Variants in MAP7D1 observed in about 807,000 individuals in gnomAD.
MAP7D1 encodes the protein MAP7 domain containing 1, also known as MAP7 domain-containing protein 1.
Under a neutral mutation model 97.5 loss-of-function variants are expected in MAP7D1, and 30 were observed. That is an observed-to-expected ratio of 0.31 (90% CI 0.23 to 0.42). The LOEUF is 0.42. MAP7D1 is among the 10% of genes least tolerant of loss of function. The pLI is 1.00. For synonymous variants in MAP7D1, 536 were observed against 477.1 expected, an observed-to-expected ratio of 1.12 and a Z score of -1.61; for missense variants, 1,184 against 1,179.5, an observed-to-expected ratio of 1.00 and a Z score of -0.06.
At chr1:36,163,483 T>C (rs1644437595) in intron 1 of MAP7D1, among the ~76,000 whole-genome samples, 1 of 152,224 alleles carries the variant, frequency 6.6e-6, no homozygotes, top group East Asian at 1.9e-4. Context: ...ACTGTATAGA[T>C]AACTAACCAA....
At chr1:36,171,356 T>A (rs994568914) in intron 2 of MAP7D1, 41 bp downstream of exon 2, 1 of 1,541,396 alleles carries the variant, frequency 6.5e-7, no homozygotes, top group Non-Finnish European at 8.8e-7. Context: ...ACCTCTTGGC[T>A]CAGGGTCCTG....
rs770396713 is a variant in MAP7D1, at chr1:36,178,718, CGAGGCCCGGGCGGAGCGGGAGGCG to C, written c.1930_1953del (p.Ala644_Arg651del). ...GAGAGGAGCAGCTGGCACGGGAGGC[CGAGGCCCGGGCGGAGCGGGAGGCG>C]GAGGCCCGGAGGCGGGAGGAGCAGG... On this transcript the variant is annotated inframe_deletion, in exon 11 of 17. Transcript: ENST00000474796. 6.5e-6 allele frequency: 10 copies of C among 1,536,540 alleles called. 1 individual carries two copies. Among genetic ancestry groups the C allele is most frequent in the South Asian group, 4.9e-5 (4 of 82,276 alleles).
chr1:36,156,434 G>C lies in MAP7D1; in HGVS notation c.17G>C (p.Arg6Pro). ...GCCGCAGCCATGGAGAGCGGCCCGC[G>C]TGCGGAGCTGGGGGCGGGCGCACCC... MESGP[R>P]AELGAGAPPA... The change falls in exon 1 of 17, where the codon CGT (arginine) becomes CCT (proline). Residue 6 changes from arginine (R) to proline (P), a missense_variant. By Grantham distance (103) the Arg-to-Pro change is moderately radical. Coordinates refer to ENST00000474796, the MANE Select transcript of MAP7D1 (RefSeq NM_001388490.1). The C allele has an allele frequency of 2.0e-6, 3 of 1,478,862 alleles. No homozygotes were observed. Among genetic ancestry groups the C allele is most frequent in the Non-Finnish European group, 2.7e-6 (3 of 1,122,702 alleles). The allele number at this position is 1,478,862 out of a possible 1,614,324, so 91.6% of individuals were successfully genotyped here.
chr1:36,168,618 T>C (rs1383206907), intron 1 of MAP7D1, among the ~76,000 whole-genome samples: 2 of 151,342 alleles, frequency 1.3e-5, no homozygotes, highest in East Asian at 1.9e-4. Flanking sequence ...GTTGGTGGAG[T>C]TGGTGGAGTT....
At chr1:36,167,658 C>T (rs545183549) in intron 1 of MAP7D1, among the ~76,000 whole-genome samples, 4 of 152,298 alleles carry the variant, frequency 2.6e-5, no homozygotes, top group African/African-American at 9.6e-5. Context: ...CGAGGTTCGC[C>T]GGGAGCCGAG....
At chr1:36,168,907 C>T (rs890650564) in intron 1 of MAP7D1, among the ~76,000 whole-genome samples, 2 of 152,012 alleles carry the variant, frequency 1.3e-5, no homozygotes, top group African/African-American at 4.8e-5. Flanking sequence ...CTTTACTGTC[C>T]TCATCTATAT....
At position 36,156,273 on chromosome 1, in the gene MAP7D1, C is replaced by T; in HGVS notation, c.-145C>T. On this transcript the variant is annotated 5_prime_UTR_variant, in exon 1 of 17. Transcript: ENST00000474796. ...AGACTCGCGGGCCACCTGCCTCGAC[C>T]TTCCCCGGAGCGCCCCCGCCTCCGA... The T allele has an allele frequency of 1.7e-6, 1 of 584,318 alleles. No homozygotes were observed. Among genetic ancestry groups the T allele is most frequent in the Non-Finnish European group, 2.7e-6 (1 of 377,296 alleles). 36.2% of individuals were successfully genotyped at this position (584,318 alleles called of 1,614,324 possible).
chr1:36,174,821 C>A, intron 5 of MAP7D1, 77 bp from the exon 6 acceptor site: 1 of 766,180 alleles, frequency 1.3e-6, no homozygotes, highest in Non-Finnish European at 2.3e-6. Flanking sequence ...CTCGGAGCAT[C>A]CTGCATGGAA....
At position 36,176,907 on chromosome 1, in the gene MAP7D1, T is replaced by C. The variant is rs1325341477; in HGVS notation, c.1379+65T>C. On this transcript the variant is annotated intron_variant, in intron 8 of 16. Coordinates refer to ENST00000474796, the MANE Select transcript of MAP7D1 (RefSeq NM_001388490.1). This position sits in a 1 kb window ranked among gnomAD's most constrained non-coding sequence, Gnocchi z 6.1. Reference sequence around the variant, plus strand: ...GTCATTTATTCATCACCCACAAATATTTGTTGGGCAACCACCTCTAGAATG... The same window carrying C: ...GTCATTTATTCATCACCCACAAATACTTGTTGGGCAACCACCTCTAGAATG... 11 of 1,398,118 alleles carry C rather than the reference T, an allele frequency of 7.9e-6. No homozygotes were observed. Among genetic ancestry groups the C allele is most frequent in the Non-Finnish European group, 1.1e-5 (11 of 1,019,820 alleles). The allele number at this position is 1,398,118 out of a possible 1,614,324, so 86.6% of individuals were successfully genotyped here.
intron 1 of MAP7D1, among the ~76,000 whole-genome samples, chr1:36,169,373 C>G (rs1394627065): frequency 6.6e-6 from 1 of 151,098 alleles, no homozygotes; most frequent in Non-Finnish European, 1.5e-5. Flanking sequence ...TGGCTAACAC[C>G]GTGAAACCCC....
chr1:36,156,312 G>A lies in MAP7D1; in HGVS notation c.-106G>A. The A allele has an allele frequency of 3.2e-6, 3 of 945,694 alleles. No individual in the cohort carries two copies. The highest frequency in any genetic ancestry group is 4.3e-6 in the Non-Finnish European group (3 of 703,428). The allele number at this position is 945,694 out of a possible 1,614,324, so 58.6% of individuals were successfully genotyped here. A position where few individuals can be genotyped will look rare whatever the true frequency, so the allele number is the denominator to read the frequency against. ...CCCCGCCTCCGAGTCGCTACTTGCC[G>A]GGCCGGGCCGGGCCGGGCGTGATGC... On this transcript the variant is annotated 5_prime_UTR_variant, in exon 1 of 17. Transcript: ENST00000474796.
rs770592856 is a variant in MAP7D1 at position 36,156,399 on chromosome 1, C to G, written c.-19C>G. 3.4e-6 allele frequency: 5 copies of G among 1,486,410 alleles called. No individual in the cohort carries two copies. The highest frequency in any genetic ancestry group is 1.5e-5 in the African/African-American group (1 of 68,404). 92.1% of individuals were successfully genotyped at this position (1,486,410 alleles called of 1,614,324 possible). A position where few individuals can be genotyped will look rare whatever the true frequency, so the allele number is the denominator to read the frequency against. ...GCCGCCGCCGCTGAGACCCCGAGAC[C>G]CCCAGTGACGCCGCAGCCATGGAGA... On this transcript the variant is annotated 5_prime_UTR_variant, in exon 1 of 17. Coordinates refer to ENST00000474796, the MANE Select transcript of MAP7D1 (RefSeq NM_001388490.1).
chr1:36,165,729 C>CTTTTTT (rs34713399), intron 1 of MAP7D1, among the ~76,000 whole-genome samples: 4 of 118,292 alleles, frequency 3.4e-5, no homozygotes, highest in East Asian at 5.0e-4. Context: ...CAGTTTGTAG[C>CTTTTTT]TTTTTTTTTT....
intron 1 of MAP7D1, among the ~76,000 whole-genome samples, chr1:36,163,217 C>G (rs1017164311): frequency 6.6e-6 from 1 of 152,180 alleles, no homozygotes; most frequent in Admixed American, 6.5e-5. Flanking sequence ...GAAGACAGGA[C>G]TTTTTGACCC....
In MAP7D1 at chr1:36,180,407, T is replaced by C. The variant is rs1416717220; in HGVS notation, c.*149T>C. ...TCTGTTGTTTTTAATCTGCACCTTATAGACTGATGTCTCTTTGGCCGGAGC... is the reference window on the plus strand; with the variant it reads ...TCTGTTGTTTTTAATCTGCACCTTACAGACTGATGTCTCTTTGGCCGGAGC... On this transcript the variant is annotated 3_prime_UTR_variant, in exon 17 of 17. Transcript: ENST00000474796. 1.9e-6 allele frequency: 2 copies of C among 1,035,784 alleles called. No individual in the cohort carries two copies. Among genetic ancestry groups the C allele is most frequent in the Non-Finnish European group, 3.0e-6 (2 of 668,206 alleles). The allele number at this position is 1,035,784 out of a possible 1,614,324, so 64.2% of individuals were successfully genotyped here.
At chr1:36,178,344 A>G in intron 9 of MAP7D1, 75 bp from the exon 10 acceptor site, 1 of 1,518,360 alleles carries the variant, frequency 6.6e-7, no homozygotes, top group Non-Finnish European at 8.9e-7. Flanking sequence ...TCCCAGGCCC[A>G]GAACACAGGC....
At chr1:36,171,454 G>A (rs953780696) in intron 2 of MAP7D1, 59 bp from the exon 3 acceptor site, 25 of 1,599,676 alleles carry the variant, frequency 1.6e-5, no homozygotes, top group Non-Finnish European at 2.1e-5. Context: ...AGGGATCTGA[G>A]GCTGACTCCT....
In MAP7D1 at chr1:36,180,048, G is replaced by A. The variant is rs780182659; in HGVS notation, c.2493G>A (p.Val831=). The change falls in exon 16 of 17, where the codon GTG becomes GTA. Residue 831 remains valine, a synonymous_variant. Transcript: ENST00000474796. The part of the protein sequence containing the change: ...EAEAFLKKAV[V]QSPQVTEVL The stretch of plus-strand genomic sequence containing the variant: ...AAGCCTTCCTCAAGAAAGCTGTGGT[G>A]CAGTCCCCGCAGGTCACAGGTAGAT... 3.1e-6 allele frequency: 5 copies of A among 1,613,846 alleles called. No individual in the cohort carries two copies. The Admixed American group carries it at 6.7e-5, about 22-fold the overall frequency.
At chr1:36,156,687 G>A (rs1455021711) in intron 1 of MAP7D1, among the ~76,000 whole-genome samples, 1 of 151,868 alleles carries the variant, frequency 6.6e-6, no homozygotes, top group Non-Finnish European at 1.5e-5. Flanking sequence ...ATCGGGCGTC[G>A]GGAGCCGCAG....
Sources: allele counts gnomAD v4.1 joint callset (sites outside exome capture counted in the v4.1 genomes callset), GRCh38; gene constraint gnomAD v4.1.1; non-coding constraint Gnocchi (gnomAD v3.1); transcripts MANE v1.5; gene names NCBI Gene and HGNC (gene_info 2026-07-23, HGNC 2026-07-21).